Variants in PXDNL observed in about 807,000 individuals in gnomAD.
PXDNL encodes probable oxidoreductase PXDNL.
Under a neutral mutation model 150.8 loss-of-function variants are expected in PXDNL, and 145 were observed. The observed-to-expected ratio is 0.96, with a 90% CI of 0.84 to 1.10. PXDNL has a LOEUF of 1.10. Ranked by LOEUF, PXDNL falls within the 50% of genes least tolerant of loss-of-function variation. The pLI, the probability that PXDNL is intolerant of heterozygous loss-of-function variation, is 0.00. For synonymous variants in PXDNL, 757 were observed against 725.7 expected (o/e 1.04, Z -0.69); for missense variants, 2,087 against 1,873.9 (o/e 1.11, Z -2.10).
chr8:51,658,971 C>CATGT (rs1815212111), intron 1 of PXDNL, among the ~76,000 whole-genome samples: 1 of 134,762 alleles, frequency 7.4e-6, no homozygotes, highest in Non-Finnish European at 1.6e-5. Context: ...AATATGCATG[C>CATGT]ATGTCTCCTT....
chr8:51,449,155 A>G (rs1205238420), intron 10 of PXDNL, 37 bp from the exon 11 acceptor site: 1 of 1,177,098 alleles, frequency 8.5e-7, no homozygotes, highest in Non-Finnish European at 1.2e-6. Flanking sequence ...ATTGAAAATT[A>G]TTTTACAAAT....
intron 3 of PXDNL, among the ~76,000 whole-genome samples, chr8:51,558,737 T>C (rs1812649134): frequency 6.6e-6 from 1 of 152,054 alleles, no homozygotes; most frequent in African/African-American, 2.4e-5. Flanking sequence ...GCAGAACTTC[T>C]GCAATCAGAT....
At chr8:51,437,310 C>T (rs543491759) in intron 12 of PXDNL, among the ~76,000 whole-genome samples, 32 of 152,132 alleles carry the variant, frequency 2.1e-4, no homozygotes, top group South Asian at 4.2e-4. Context: ...AAGACAGAGA[C>T]GGGGGAATTT....
At chr8:51,622,486 C>A (rs1814278779) in intron 2 of PXDNL, among the ~76,000 whole-genome samples, 1 of 152,144 alleles carries the variant, frequency 6.6e-6, no homozygotes, top group African/African-American at 2.4e-5. Flanking sequence ...TGCAATGCAA[C>A]AATGTATAAA....
intron 4 of PXDNL, among the ~76,000 whole-genome samples, chr8:51,518,347 A>C (rs1811589638): frequency 6.6e-6 from 1 of 152,150 alleles, no homozygotes; most frequent in Admixed American, 6.5e-5. Context: ...TACTTGGGAG[A>C]ATCAAGTGTT....
rs376646763 is a variant in PXDNL at position 51,809,215 on chromosome 8, G to T, written c.130C>A (p.His44Asn). Reference sequence around the variant, plus strand: ...GTCTGCTGTGGTACCTGAGGAATGTGGTCCAGCATCAAGTGCATGCAGCGG... The same window carrying T: ...GTCTGCTGTGGTACCTGAGGAATGTTGTCCAGCATCAAGTGCATGCAGCGG... ...TVRCMHLMLD[H>N]IPQVPQQTTV... The change falls in exon 1 of 23, where the codon CAC becomes AAC. Residue 44 changes from histidine to asparagine, a missense_variant. By Grantham distance (68) the His-to-Asn change is moderately conservative (BLOSUM62 1). Transcript: ENST00000356297. 1.2e-6 allele frequency: 2 copies of T among 1,613,640 alleles called. No individual in the cohort carries two copies. Among genetic ancestry groups the T allele is most frequent in the African/African-American group, 2.7e-5 (2 of 74,904 alleles).
intron 2 of PXDNL, among the ~76,000 whole-genome samples, chr8:51,628,533 G>A (rs1223505995): frequency 6.7e-6 from 1 of 149,282 alleles, no homozygotes; most frequent in Non-Finnish European, 1.5e-5. Context: ...AGCCTCCTGA[G>A]TATCTGGGAC....
At position 51,320,811 on chromosome 8, in the gene PXDNL, T is replaced by C. The variant is rs977211245; in HGVS notation, c.4233A>G (p.Lys1411=). 2.5e-6 allele frequency: 4 copies of C among 1,613,924 alleles called. No individual in the cohort carries two copies. Among genetic ancestry groups the C allele is most frequent in the Non-Finnish European group, 3.4e-6 (4 of 1,179,808 alleles). The change falls in exon 22 of 23, where the codon AAA becomes AAG. Residue 1411 remains lysine, a synonymous_variant. Transcript: ENST00000356297. The part of the protein sequence containing the change: ...VPRKAEERWM[K]EDCTHCICES... ...CACAAATGCAGTGAGTGCAGTCTTC[T>C]TTCATCCAGCGCTCCTCGGCCTTCC...
At chr8:51,367,393 T>G (rs539558862) in intron 19 of PXDNL, among the ~76,000 whole-genome samples, 1 of 152,206 alleles carries the variant, frequency 6.6e-6, no homozygotes, top group Non-Finnish European at 1.5e-5. Flanking sequence ...AAGTTTTTAC[T>G]CACTGCACTA....
chr8:51,559,330 A>AAC (rs1812664794), intron 3 of PXDNL, among the ~76,000 whole-genome samples: 19 of 98,054 alleles, frequency 1.9e-4, no homozygotes, highest in East Asian at 6.5e-4. Context: ...TTTCTTCCAA[A>AAC]CCCCCCCCCC....
chr8:51,400,050 G>A lies in PXDNL; in HGVS notation c.3557+8017C>T, dbSNP rs1020145081. 5.3e-5 allele frequency among the ~76,000 whole-genome samples: 8 copies of A among 152,174 alleles called. No individual in the cohort carries two copies. In the South Asian group the frequency reaches 1.4e-3, roughly 28 times the overall value. ...TTTTCAAAGGCAGGAATAAAAAGCAGATTCTAAAAGTGAAGAATTTACATA... is the reference window on the plus strand; with the variant it reads ...TTTTCAAAGGCAGGAATAAAAAGCAAATTCTAAAAGTGAAGAATTTACATA... On this transcript the variant is annotated intron_variant, in intron 17 of 22. Transcript: ENST00000356297.
intron 17 of PXDNL, among the ~76,000 whole-genome samples, chr8:51,398,361 GC>G (rs1308902263): frequency 1.3e-5 from 2 of 152,270 alleles, no homozygotes; most frequent in South Asian, 4.1e-4. Context: ...TTACCTTGGG[GC>G]CCCCCACAGT....
intron 4 of PXDNL, among the ~76,000 whole-genome samples, chr8:51,526,619 A>C (rs928888323): frequency 3.9e-5 from 6 of 152,142 alleles, no homozygotes; most frequent in Admixed American, 2.6e-4. Context: ...TCTTCCTGTC[A>C]CTGAAGCTCT....
At chr8:51,747,959 C>T (rs2037003162) in intron 1 of PXDNL, among the ~76,000 whole-genome samples, 1 of 152,116 alleles carries the variant, frequency 6.6e-6, no homozygotes, top group Non-Finnish European at 1.5e-5. Context: ...AGTTATCCTC[C>T]CTGGGTCGCA....
intron 1 of PXDNL, among the ~76,000 whole-genome samples, chr8:51,670,186 C>A (rs1815471134): frequency 6.6e-6 from 1 of 152,016 alleles, no homozygotes; most frequent in Non-Finnish European, 1.5e-5. Flanking sequence ...TGCAGTGAGC[C>A]AAGATCATGC....
intron 17 of PXDNL, among the ~76,000 whole-genome samples, chr8:51,402,078 C>G (rs564982515): frequency 2.6e-5 from 4 of 152,174 alleles, no homozygotes; most frequent in African/African-American, 9.6e-5. Context: ...AGGAATCATG[C>G]GGTTTGATCT....
At chr8:51,644,893 T>G (rs1478847963) in intron 2 of PXDNL, among the ~76,000 whole-genome samples, 1 of 151,424 alleles carries the variant, frequency 6.6e-6, no homozygotes, top group South Asian at 2.1e-4. Context: ...GGGACACGGA[T>G]CCATAGGTGG....
intron 2 of PXDNL, among the ~76,000 whole-genome samples, chr8:51,613,604 T>C (rs953634542): frequency 6.6e-6 from 1 of 152,122 alleles, no homozygotes; most frequent in Non-Finnish European, 1.5e-5. Context: ...AAAACTTGGC[T>C]GTCCACAATA....
intron 13 of PXDNL, among the ~76,000 whole-genome samples, chr8:51,424,040 TA>T (rs1586095412): frequency 6.6e-6 from 1 of 152,212 alleles, no homozygotes; most frequent in Non-Finnish European, 1.5e-5. Flanking sequence ...AATTGATTCA[TA>T]TATTGCTTAC....
Sources: allele counts gnomAD v4.1 joint callset (sites outside exome capture counted in the v4.1 genomes callset), GRCh38; gene constraint gnomAD v4.1.1; transcripts MANE v1.5; gene names NCBI Gene and HGNC (gene_info 2026-07-23, HGNC 2026-07-21).